The following TMCO5A variants were observed in gnomAD, a reference collection of about 807,000 sequenced individuals.
TMCO5A encodes the protein transmembrane and coiled-coil domains 5A, also known as transmembrane and coiled-coil domain-containing protein 5A.
Under a neutral mutation model 42.3 loss-of-function variants are expected in TMCO5A, and 34 were observed. The ratio of observed to expected loss-of-function variants is 0.80; its 90% CI spans 0.61 to 1.07. The LOEUF is 1.07. TMCO5A is among the 50% of genes least tolerant of loss of function. The probability of loss-of-function intolerance (pLI) is 0.00; values close to 1 mark genes in which losing one functional copy is unlikely to be tolerated. For missense variants in TMCO5A, 357 were observed against 327.9 expected, an observed-to-expected ratio of 1.09 and a Z score of -0.69; for synonymous variants, 131 against 115.6, an observed-to-expected ratio of 1.13 and a Z score of -0.86.
At chr15:38,001,196 T>A in the TMCO5A span, among the ~76,000 whole-genome samples, 268 of 152,214 alleles carry the variant, frequency 1.8e-3, 2 homozygotes, top group African/African-American at 6.1e-3. Flanking sequence ...TGGGTGCATA[T>A]ACATTTAAAA....
downstream of TMCO5A, among the ~76,000 whole-genome samples, chr15:37,953,652 C>A (rs72707404): frequency 0.039 from 5,897 of 152,042 alleles, 157 homozygotes; most frequent in Non-Finnish European, 0.059. Flanking sequence ...CTCTTCAATG[C>A]CCCAGCACCA....
At chr15:38,037,210 T>G in the TMCO5A span, among the ~76,000 whole-genome samples, 2 of 152,158 alleles carry the variant, frequency 1.3e-5, no homozygotes, top group Non-Finnish European at 2.9e-5. Context: ...GCTATGAAAA[T>G]GACTTAGTGC....
chr15:37,966,764 C>G (rs1386828494), exon 12 of TMCO5A: 8 of 698,148 alleles, frequency 1.1e-5, no homozygotes, highest in Non-Finnish European at 2.1e-5. Context: ...ACTGGCCTAT[C>G]TGAGGTCAAT....
intron 11 of TMCO5A, among the ~76,000 whole-genome samples, chr15:37,965,656 G>C (rs889124836): frequency 9.2e-5 from 14 of 152,174 alleles, no homozygotes; most frequent in African/African-American, 3.4e-4. Flanking sequence ...GCATGTGAAA[G>C]GTACTTGACA....
chr15:38,040,541 C>G, the TMCO5A span: 1 of 152,106 alleles, frequency 6.6e-6, no homozygotes, highest in Non-Finnish European at 1.5e-5. Flanking sequence ...AAGGTGGAAA[C>G]AAGCCAAATG....
At chr15:38,038,421 T>TC in the TMCO5A span, among the ~76,000 whole-genome samples, 15 of 151,918 alleles carry the variant, frequency 9.9e-5, no homozygotes, top group Admixed American at 8.5e-4. Flanking sequence ...TTTTTTTTTT[T>TC]TGAGACGGAG....
the TMCO5A span, among the ~76,000 whole-genome samples, chr15:38,000,053 T>C: frequency 6.6e-6 from 1 of 152,174 alleles, no homozygotes; most frequent in African/African-American, 2.4e-5. Flanking sequence ...TTTGGAAGTA[T>C]TCCCCCTCCT....
chr15:38,014,015 C>T, the TMCO5A span, among the ~76,000 whole-genome samples: 3 of 152,244 alleles, frequency 2.0e-5, no homozygotes, highest in Admixed American at 1.3e-4. Context: ...CTCTCTGACC[C>T]CTGCTTCTGT....
intron 3 of TMCO5A, 64 bp downstream of exon 3, chr15:37,936,527 A>G: frequency 1.3e-6 from 2 of 1,548,138 alleles, no homozygotes; most frequent in Non-Finnish European, 1.7e-6. Flanking sequence ...ACCAAAACCA[A>G]AACTGAATTT....
the TMCO5A span, among the ~76,000 whole-genome samples, chr15:37,981,114 C>T: frequency 3.4e-5 from 5 of 145,828 alleles, no homozygotes; most frequent in Middle Eastern, 3.6e-3. Flanking sequence ...ATGTTGACTG[C>T]ATTCTTTGGA....
downstream of TMCO5A, among the ~76,000 whole-genome samples, chr15:37,952,508 T>A (rs932294495): frequency 2.6e-5 from 4 of 152,130 alleles, no homozygotes; most frequent in African/African-American, 7.2e-5. Context: ...GACTCAGTCC[T>A]GGAAGGACAC....
At chr15:38,008,799 C>T in the TMCO5A span, among the ~76,000 whole-genome samples, 2 of 152,160 alleles carry the variant, frequency 1.3e-5, no homozygotes, top group African/African-American at 4.8e-5. Context: ...ATCAAGACAA[C>T]GCATGACCAT....
the TMCO5A span, among the ~76,000 whole-genome samples, chr15:38,003,222 G>GTCTCTCTCTC: frequency 2.0e-3 from 293 of 147,148 alleles, 4 homozygotes; most frequent in African/African-American, 7.1e-3. Context: ...CCCAAACAGA[G>GTCTCTCTCTC]TCTCTCTCTC....
chr15:38,021,669 A>C, the TMCO5A span, among the ~76,000 whole-genome samples: 1 of 152,248 alleles, frequency 6.6e-6, no homozygotes, highest in Non-Finnish European at 1.5e-5. Context: ...TTATCAATAT[A>C]AAAATCTAAA....
At chr15:37,987,779 G>C in the TMCO5A span, among the ~76,000 whole-genome samples, 5 of 151,994 alleles carry the variant, frequency 3.3e-5, no homozygotes, top group African/African-American at 1.2e-4. Flanking sequence ...TTTTTAGTAA[G>C]TTTTGAAATC....
At chr15:37,990,565 A>T in the TMCO5A span, among the ~76,000 whole-genome samples, 35,026 of 151,698 alleles carry the variant, frequency 0.23, 9,140 homozygotes, top group African/African-American at 0.65. Context: ...GGATTTTTTA[A>T]AATTTATTCT....
chr15:37,992,717 G>A, the TMCO5A span, among the ~76,000 whole-genome samples: 1 of 152,102 alleles, frequency 6.6e-6, no homozygotes, highest in Non-Finnish European at 1.5e-5. Flanking sequence ...GGAGTTAAAG[G>A]CCATCGTCCT....
the TMCO5A span, among the ~76,000 whole-genome samples, chr15:38,002,696 C>A: frequency 6.6e-6 from 1 of 151,860 alleles, no homozygotes; most frequent in African/African-American, 2.4e-5. Flanking sequence ...CTGCTTGATT[C>A]TTTTTTTAAA....
the TMCO5A span, among the ~76,000 whole-genome samples, chr15:38,033,980 T>C: frequency 1.3e-5 from 2 of 152,154 alleles, no homozygotes; most frequent in Non-Finnish European, 2.9e-5. Flanking sequence ...AGTTTATTAA[T>C]ATAAAGAATG....
Sources: allele counts gnomAD v4.1 joint callset (sites outside exome capture counted in the v4.1 genomes callset), GRCh38; gene constraint gnomAD v4.1.1; transcripts MANE v1.5; gene names NCBI Gene and HGNC (gene_info 2026-07-23, HGNC 2026-07-21).